The following RGS7 variants were observed in gnomAD, a reference collection of about 807,000 sequenced individuals.
RGS7 encodes regulator of G-protein signaling 7.
Under a neutral mutation model 81.1 loss-of-function variants are expected in RGS7, and 27 were observed. That is an observed-to-expected ratio of 0.33 (90% CI 0.25 to 0.46). The LOEUF is 0.46. Ranked by LOEUF, RGS7 falls within the 20% of genes least tolerant of loss-of-function variation. The pLI, the probability that RGS7 is intolerant of heterozygous loss-of-function variation, is 1.00. For synonymous variants in RGS7, 208 were observed against 207.7 expected, an observed-to-expected ratio of 1.00 and a Z score of -0.01; for missense variants, 396 against 607.4, an observed-to-expected ratio of 0.65 and a Z score of 3.66.
intron 2 of RGS7, among the ~76,000 whole-genome samples, chr1:241,353,647 G>A (rs2083384408): frequency 6.6e-6 from 1 of 152,092 alleles, no homozygotes; most frequent in African/African-American, 2.4e-5. Context: ...GTTATATGTG[G>A]TCACTAATAA....
At chr1:241,149,683 A>T (rs903191717) in intron 2 of RGS7, among the ~76,000 whole-genome samples, 2 of 152,190 alleles carry the variant, frequency 1.3e-5, no homozygotes, top group African/African-American at 4.8e-5. Flanking sequence ...CAAGCAATAA[A>T]TGTTTTTGGG....
At chr1:241,044,988 G>A (rs1469255585) in intron 3 of RGS7, among the ~76,000 whole-genome samples, 2 of 152,138 alleles carry the variant, frequency 1.3e-5, no homozygotes, top group Admixed American at 1.3e-4. Context: ...CAGCTCTGTA[G>A]TGCTGATTCT....
At chr1:241,165,237 T>C (rs1274344758) in intron 2 of RGS7, among the ~76,000 whole-genome samples, 1 of 152,192 alleles carries the variant, frequency 6.6e-6, no homozygotes, top group Non-Finnish European at 1.5e-5. Flanking sequence ...AAACTACCGA[T>C]TTAATAATTC....
chr1:240,868,731 G>A lies in RGS7; in HGVS notation c.527+45C>T. 5 of 1,612,040 alleles carry A rather than the reference G, an allele frequency of 3.1e-6. No homozygotes were observed. Among genetic ancestry groups the A allele is most frequent in the Non-Finnish European group, 3.4e-6 (4 of 1,178,224 alleles). ...ATTGTAGTGCCTCTCTGAACAAAAA[G>A]GCCACAACTGGAACAAATCTTCCAA... On this transcript the variant is annotated intron_variant, in intron 8 of 18. Coordinates refer to ENST00000440928, the MANE Select transcript of RGS7 (RefSeq NM_001364886.1). This position sits in a 1 kb window ranked among gnomAD's most constrained non-coding sequence, Gnocchi z 5.1.
intron 3 of RGS7, among the ~76,000 whole-genome samples, chr1:241,018,284 C>T (rs564642015): frequency 1.6e-4 from 24 of 151,868 alleles, no homozygotes; most frequent in African/African-American, 4.1e-4. Context: ...TACCCTGCCT[C>T]GCCTTGTCTC....
Position 240,785,676 on chromosome 1 carries a change from G to A in RGS7, c.*7-9463C>T, listed in dbSNP as rs1050456879. Among the ~76,000 whole-genome samples, 9 of 152,214 alleles carry A rather than the reference G, an allele frequency of 5.9e-5. No individual in the cohort carries two copies. The South Asian group carries it at 1.9e-3, about 32-fold the overall frequency. On this transcript the variant is annotated intron_variant, in intron 18 of 18. Coordinates refer to ENST00000440928, the MANE Select transcript of RGS7 (RefSeq NM_001364886.1). The stretch of plus-strand genomic sequence containing the variant: ...GGAGGAGAGACATGGTGGAGAGAGG[G>A]ATGGGGGTCACTGGTCACACCCTAA...
chr1:241,143,420 A>T (rs778431695), intron 2 of RGS7, among the ~76,000 whole-genome samples: 69 of 152,200 alleles, frequency 4.5e-4, no homozygotes, highest in Non-Finnish European at 3.8e-4. Flanking sequence ...GAAGCCTCAC[A>T]ATCATGGCAG....
chr1:241,154,861 C>T (rs2069000822), intron 2 of RGS7, among the ~76,000 whole-genome samples: 1 of 151,880 alleles, frequency 6.6e-6, no homozygotes, highest in Non-Finnish European at 1.5e-5. Context: ...ACGTCTAGGG[C>T]TTATGTAGTC....
At chr1:241,073,453 C>T (rs1209109860) in intron 3 of RGS7, among the ~76,000 whole-genome samples, 3 of 152,198 alleles carry the variant, frequency 2.0e-5, no homozygotes, top group Non-Finnish European at 4.4e-5. Flanking sequence ...CTACATACAA[C>T]AAATGTACAC....
intron 2 of RGS7, among the ~76,000 whole-genome samples, chr1:241,174,723 G>GGTT (rs2070976175): frequency 1.3e-5 from 2 of 152,004 alleles, no homozygotes; most frequent in Non-Finnish European, 2.9e-5. Context: ...CGTATCTGGG[G>GGTT]ACAACTGCTT....
intron 2 of RGS7, among the ~76,000 whole-genome samples, chr1:241,245,013 C>T (rs998758809): frequency 2.4e-4 from 36 of 151,286 alleles, no homozygotes; most frequent in African/African-American, 8.3e-4. Flanking sequence ...TGTTAAATGA[C>T]GAGTTAATGG....
At position 241,291,932 on chromosome 1, in the gene RGS7, G is replaced by A. The variant is rs189376681; in HGVS notation, c.78+63767C>T. On this transcript the variant is annotated intron_variant, in intron 2 of 18. Transcript: ENST00000440928. ...GCTTTCCATCTGTAGTACAATCACC[G>A]AACAAGCCAGAAACTGTGTCATGGC... 1.1e-4 allele frequency among the ~76,000 whole-genome samples: 17 copies of A among 152,180 alleles called. No homozygotes were observed. The East Asian group carries it at 1.5e-3, about 14-fold the overall frequency.
At chr1:241,118,936 A>C (rs2066055431) in intron 2 of RGS7, among the ~76,000 whole-genome samples, 1 of 152,182 alleles carries the variant, frequency 6.6e-6, no homozygotes, top group Non-Finnish European at 1.5e-5. Context: ...AGTTGAATAC[A>C]ATAATCACTC....
chr1:241,205,548 C>T (rs1049323464), intron 2 of RGS7, among the ~76,000 whole-genome samples: 11 of 151,694 alleles, frequency 7.3e-5, no homozygotes, highest in African/African-American at 2.4e-4. Context: ...TCAGCCTCCA[C>T]CCCCCAGGTT....
intron 3 of RGS7, among the ~76,000 whole-genome samples, chr1:241,041,099 G>A (rs572669818): frequency 6.6e-6 from 1 of 152,082 alleles, no homozygotes; most frequent in Admixed American, 6.6e-5. Flanking sequence ...GCTTTTAAAT[G>A]TATATATTTA....
At chr1:241,170,504 G>T (rs1265232392) in intron 2 of RGS7, among the ~76,000 whole-genome samples, 3 of 152,098 alleles carry the variant, frequency 2.0e-5, no homozygotes, top group South Asian at 2.1e-4. Flanking sequence ...GAGAAAGAAG[G>T]CCTGCAAATC....
At chr1:241,273,755 T>C (rs2078049947) in intron 2 of RGS7, among the ~76,000 whole-genome samples, 1 of 152,192 alleles carries the variant, frequency 6.6e-6, no homozygotes, top group Non-Finnish European at 1.5e-5. Flanking sequence ...GCTCTACCCC[T>C]AGACTTCAGC....
chr1:241,262,279 T>C (rs999665138), intron 2 of RGS7, among the ~76,000 whole-genome samples: 2 of 152,192 alleles, frequency 1.3e-5, no homozygotes, highest in Admixed American at 6.5e-5. Context: ...TTGCAGTTCT[T>C]AAAATAGGTA....
At chr1:240,989,604 G>A (rs1055267971) in intron 3 of RGS7, among the ~76,000 whole-genome samples, 2 of 151,942 alleles carry the variant, frequency 1.3e-5, no homozygotes, top group Non-Finnish European at 2.9e-5. Context: ...TCCCGATGGC[G>A]TGCATTCTCC....
Sources: allele counts gnomAD v4.1 joint callset (sites outside exome capture counted in the v4.1 genomes callset), GRCh38; gene constraint gnomAD v4.1.1; non-coding constraint Gnocchi (gnomAD v3.1); transcripts MANE v1.5; gene names NCBI Gene and HGNC (gene_info 2026-07-23, HGNC 2026-07-21).